Variants in PCDH9 observed in about 807,000 individuals in gnomAD.
PCDH9 encodes protocadherin-9.
A neutral mutation model predicts 70.6 loss-of-function variants in PCDH9; 24 were observed. That is an observed-to-expected ratio of 0.34 (90% CI 0.25 to 0.48). The LOEUF (loss-of-function observed/expected upper bound fraction) is 0.48. Among genes scored for constraint, PCDH9 ranks in the 20% least tolerant of loss-of-function variants. The probability of loss-of-function intolerance (pLI) is 0.99; values close to 1 mark genes in which losing one functional copy is unlikely to be tolerated. For synonymous variants in PCDH9, 562 were observed against 558.5 expected (o/e 1.01, Z -0.09); for missense variants, 1,281 against 1,503.6 (o/e 0.85, Z 2.45).
chr13:66,805,791 A>T (rs2080400489), intron 3 of PCDH9, among the ~76,000 whole-genome samples: 1 of 152,206 alleles, frequency 6.6e-6, no homozygotes, highest in Non-Finnish European at 1.5e-5. Context: ...CTCTGGATAC[A>T]ATGCAATCAC....
intron 3 of PCDH9, among the ~76,000 whole-genome samples, chr13:66,715,124 A>G (rs1341311337): frequency 1.3e-5 from 2 of 152,158 alleles, no homozygotes; most frequent in African/African-American, 4.8e-5. Flanking sequence ...CATATCTAGC[A>G]CATTTCATCC....
At chr13:67,060,457 C>T (rs142468823) in intron 2 of PCDH9, among the ~76,000 whole-genome samples, 1 of 152,170 alleles carries the variant, frequency 6.6e-6, no homozygotes. Context: ...TCTGCTATGT[C>T]ACTTCACAAA....
At chr13:66,522,749 G>T (rs1960053454) in intron 4 of PCDH9, among the ~76,000 whole-genome samples, 1 of 151,978 alleles carries the variant, frequency 6.6e-6, no homozygotes, top group Admixed American at 6.6e-5. Flanking sequence ...GAACCAAGAA[G>T]ATCTGCAAGA....
intron 2 of PCDH9, among the ~76,000 whole-genome samples, chr13:67,038,149 T>A (rs536642896): frequency 2.0e-5 from 3 of 152,240 alleles, no homozygotes; most frequent in Non-Finnish European, 4.4e-5. Flanking sequence ...TAACAGTTCA[T>A]AAGTAAAAGA....
rs1297503208 is a variant in PCDH9, at chr13:66,779,827, C to CTA, written c.3138+123676_3138+123677insTA. Among the ~76,000 whole-genome samples the CTA allele has an allele frequency of 5.9e-3, 134 of 22,872 alleles. 1 individual carries two copies. Among genetic ancestry groups the CTA allele is most frequent in the African/African-American group, 0.012 (129 of 10,340 alleles). 15.0% of individuals were successfully genotyped at this position (22,872 alleles called of 152,430 possible). On this transcript the variant is annotated intron_variant, in intron 3 of 4. Transcript: ENST00000377865. ...AGAGCGAGACTCCATCTCTCTCTCT[C>CTA]TCTCTCTCTCTCTCTCTCTCTCTAT...
chr13:66,677,703 A>G (rs1174792855), intron 3 of PCDH9, among the ~76,000 whole-genome samples: 1 of 152,032 alleles, frequency 6.6e-6, no homozygotes. Context: ...ACCTTCTGCC[A>G]TGATTAAAAG....
At chr13:66,845,046 C>T (rs909327771) in intron 3 of PCDH9, among the ~76,000 whole-genome samples, 1 of 152,058 alleles carries the variant, frequency 6.6e-6, no homozygotes, top group Admixed American at 6.5e-5. Context: ...CCATAGGCAG[C>T]CATGGGTGGG....
chr13:66,680,491 A>C (rs2078303769), intron 3 of PCDH9, among the ~76,000 whole-genome samples: 1 of 152,014 alleles, frequency 6.6e-6, no homozygotes, highest in Non-Finnish European at 1.5e-5. Context: ...TTTAAAGACA[A>C]CATTGTATCC....
intron 3 of PCDH9, among the ~76,000 whole-genome samples, chr13:66,873,868 C>A (rs566196694): frequency 7.3e-5 from 11 of 149,880 alleles, no homozygotes; most frequent in African/African-American, 2.7e-4. Flanking sequence ...TCTGGCCAAT[C>A]TAATTTAAGG....
intron 3 of PCDH9, among the ~76,000 whole-genome samples, chr13:66,779,234 A>T (rs2079950437): frequency 6.6e-6 from 1 of 151,978 alleles, no homozygotes. Flanking sequence ...ATTTCTGAAA[A>T]ATCACCCAAA....
chr13:66,304,597 T>C lies in PCDH9; in HGVS notation c.*58A>G, dbSNP rs1487700950. The stretch of plus-strand genomic sequence containing the variant: ...GAGATCTATTGAATACATAAAGCTC[T>C]GACGCACACGGTATTAGCATGTCTA... On this transcript the variant is annotated 3_prime_UTR_variant, in exon 5 of 5. Coordinates refer to ENST00000377865, the MANE Select transcript of PCDH9 (RefSeq NM_203487.3). 2 of 1,378,960 alleles carry C rather than the reference T, an allele frequency of 1.5e-6. No individual in the cohort carries two copies. The highest frequency in any genetic ancestry group is 1.9e-4 in the Middle Eastern group (1 of 5,168). The allele number at this position is 1,378,960 out of a possible 1,614,324, so 85.4% of individuals were successfully genotyped here.
intron 2 of PCDH9, among the ~76,000 whole-genome samples, chr13:67,187,528 A>G (rs1158301887): frequency 6.6e-6 from 1 of 152,174 alleles, no homozygotes; most frequent in East Asian, 1.9e-4. Flanking sequence ...AATACAACTG[A>G]TCAACTAATG....
intron 2 of PCDH9, among the ~76,000 whole-genome samples, chr13:67,012,864 T>C (rs570490012): frequency 6.6e-6 from 1 of 152,090 alleles, no homozygotes; most frequent in Non-Finnish European, 1.5e-5. Context: ...AGATCAATTG[T>C]AGCGGACCTA....
chr13:66,420,382 C>G (rs1393329232), intron 4 of PCDH9, among the ~76,000 whole-genome samples: 1 of 152,168 alleles, frequency 6.6e-6, no homozygotes, highest in Non-Finnish European at 1.5e-5. Context: ...GATGGGGAGA[C>G]ACCTCCCAGC....
chr13:66,518,719 G>A (rs143656182), intron 4 of PCDH9, among the ~76,000 whole-genome samples: 3 of 152,194 alleles, frequency 2.0e-5, no homozygotes, highest in African/African-American at 7.2e-5. Flanking sequence ...AATACATGTG[G>A]GGTGGTGGTA....
intron 4 of PCDH9, among the ~76,000 whole-genome samples, chr13:66,422,191 C>T (rs1957579456): frequency 6.6e-6 from 1 of 152,142 alleles, no homozygotes; most frequent in Non-Finnish European, 1.5e-5. Context: ...GAGACTTAGA[C>T]TCCCATGGAA....
intron 2 of PCDH9, among the ~76,000 whole-genome samples, chr13:67,109,170 G>A (rs920324394): frequency 4.6e-5 from 7 of 152,034 alleles, no homozygotes; most frequent in Admixed American, 1.3e-4. Flanking sequence ...TGTATCATAA[G>A]GAAAAAATAA....
intron 2 of PCDH9, among the ~76,000 whole-genome samples, chr13:67,058,791 CAAGGG>C (rs1187614399): frequency 2.0e-5 from 3 of 152,082 alleles, no homozygotes; most frequent in Non-Finnish European, 4.4e-5. Flanking sequence ...GACCACCTGG[CAAGGG>C]AAGCCCATAT....
At chr13:67,173,891 T>C (rs1224657492) in intron 2 of PCDH9, among the ~76,000 whole-genome samples, 1 of 152,192 alleles carries the variant, frequency 6.6e-6, no homozygotes, top group Non-Finnish European at 1.5e-5. Flanking sequence ...AAGAGCATTT[T>C]GCACAAAATC....
Sources: gnomAD v4.1 joint callset for allele counts (sites outside exome capture counted in the v4.1 genomes callset) on GRCh38, gnomAD v4.1.1 for gene constraint, MANE v1.5 for transcripts, NCBI Gene and HGNC (gene_info 2026-07-23, HGNC 2026-07-21) for gene names.